FAM107B: variants seen among roughly 807,000 people sequenced by gnomAD.
FAM107B encodes the protein family with sequence similarity 107 member B, also known as protein FAM107B.
A neutral mutation model predicts 31.5 loss-of-function variants in FAM107B; 21 were observed. The observed-to-expected ratio is 0.67, with a 90% CI of 0.47 to 0.96. The LOEUF is 0.96. Ranked by LOEUF, FAM107B falls within the 40% of genes least tolerant of loss-of-function variation. The probability of loss-of-function intolerance (pLI) is 0.00; values close to 1 mark genes in which losing one functional copy is unlikely to be tolerated. For synonymous variants in FAM107B, 157 were observed against 141.5 expected (o/e 1.11, Z -0.78); for missense variants, 452 against 377.1 (o/e 1.20, Z -1.64).
chr10:14,672,973 A>T (rs1197822775), intron 1 of FAM107B, among the ~76,000 whole-genome samples: 1 of 152,226 alleles, frequency 6.6e-6, no homozygotes, highest in African/African-American at 2.4e-5. Flanking sequence ...ATTCCTGACC[A>T]ATAATTAAAG....
intron 2 of FAM107B, among the ~76,000 whole-genome samples, chr10:14,621,291 T>C (rs960542299): frequency 6.6e-6 from 1 of 152,232 alleles, no homozygotes; most frequent in Non-Finnish European, 1.5e-5. Flanking sequence ...CTGTTTATAT[T>C]ATGTAGACTC....
intron 3 of FAM107B, among the ~76,000 whole-genome samples, chr10:14,529,007 A>T (rs1209126997): frequency 6.6e-6 from 1 of 152,206 alleles, no homozygotes; most frequent in East Asian, 1.9e-4. Flanking sequence ...TTTATAGATA[A>T]GGGAACTGAG....
At chr10:14,635,135 AAGGGAGGG>A (rs369224420) in intron 2 of FAM107B, among the ~76,000 whole-genome samples, 1 of 137,442 alleles carries the variant, frequency 7.3e-6, no homozygotes, top group African/African-American at 2.7e-5. Context: ...GAAAGGAAGG[AAGGGAGGG>A]AGGGAGGGAG....
intron 2 of FAM107B, among the ~76,000 whole-genome samples, chr10:14,652,548 G>C (rs1853928430): frequency 6.6e-6 from 1 of 152,304 alleles, no homozygotes; most frequent in South Asian, 2.1e-4. Flanking sequence ...CTGCAAAGGG[G>C]AGAAAATATA....
At chr10:14,658,135 T>C (rs910465374) in intron 2 of FAM107B, among the ~76,000 whole-genome samples, 3 of 152,222 alleles carry the variant, frequency 2.0e-5, no homozygotes, top group Admixed American at 6.5e-5. Flanking sequence ...GAAGAATTTA[T>C]ACGACAGTGA....
intron 2 of FAM107B, among the ~76,000 whole-genome samples, chr10:14,537,609 G>A (rs1488255528): frequency 6.6e-6 from 1 of 152,140 alleles, no homozygotes; most frequent in Non-Finnish European, 1.5e-5. Context: ...GGAGGCCGAG[G>A]CGGGCGGATC....
intron 3 of FAM107B, among the ~76,000 whole-genome samples, chr10:14,523,283 T>C (rs1353014222): frequency 6.6e-6 from 1 of 152,176 alleles, no homozygotes; most frequent in Non-Finnish European, 1.5e-5. Flanking sequence ...TCATAAGTAA[T>C]CTCAACTTGA....
intron 2 of FAM107B, among the ~76,000 whole-genome samples, chr10:14,619,249 G>C (rs1374234180): frequency 6.6e-6 from 1 of 152,188 alleles, no homozygotes; most frequent in African/African-American, 2.4e-5. Flanking sequence ...AGTACGGTCA[G>C]TCGGTGTACA....
At chr10:14,649,524 TA>T (rs951075375) in intron 2 of FAM107B, among the ~76,000 whole-genome samples, 8 of 152,318 alleles carry the variant, frequency 5.3e-5, no homozygotes, top group African/African-American at 1.9e-4. Flanking sequence ...CACAACTTCT[TA>T]TCTTAACCCA....
intron 2 of FAM107B, among the ~76,000 whole-genome samples, chr10:14,635,038 G>A (rs1360718334): frequency 6.7e-6 from 1 of 150,102 alleles, no homozygotes; most frequent in East Asian, 2.0e-4. Context: ...GCAGTGAGCT[G>A]AGATTGCACC....
intron 2 of FAM107B, among the ~76,000 whole-genome samples, chr10:14,536,396 C>CT (rs747579483): frequency 1.3e-5 from 2 of 152,196 alleles, no homozygotes; most frequent in African/African-American, 2.4e-5. Context: ...TAAGCTGTCT[C>CT]TAAGATTCTG....
Position 14,774,439 on chromosome 10 carries a change from T to G in FAM107B, c.225A>C (p.Lys75Asn). 1 of 1,614,196 alleles carries G rather than the reference T, an allele frequency of 6.2e-7. No homozygotes were observed. Among genetic ancestry groups the G allele is most frequent in the Non-Finnish European group, 8.5e-7 (1 of 1,180,020 alleles). Residue 75 changes from lysine (K) to asparagine (N), a missense_variant, in exon 1 of 5, where the codon AAA becomes AAC. Transcript: ENST00000181796. ...RHPSAEGAPEKRQDSSTHAER... is the reference protein window; with the variant it reads ...RHPSAEGAPENRQDSSTHAER... ...CTGCATGGGTGCTCGAATCTTGCCT[T>G]TTCTCTGGAGCTCCTTCTGCGCTTG...
At chr10:14,660,837 G>A (rs1012627528) in intron 2 of FAM107B, among the ~76,000 whole-genome samples, 4 of 152,090 alleles carry the variant, frequency 2.6e-5, no homozygotes, top group African/African-American at 7.2e-5. Context: ...ACATACCATG[G>A]AAAGGAAAAA....
At chr10:14,767,707 T>A (rs1833212986) in intron 1 of FAM107B, among the ~76,000 whole-genome samples, 1 of 152,154 alleles carries the variant, frequency 6.6e-6, no homozygotes, top group Non-Finnish European at 1.5e-5. Flanking sequence ...AACCCACCAC[T>A]AGCCTCACAT....
intron 1 of FAM107B, among the ~76,000 whole-genome samples, chr10:14,747,375 C>A (rs754780827): frequency 1.2e-4 from 19 of 152,168 alleles, no homozygotes; most frequent in Non-Finnish European, 2.8e-4. Context: ...GAGGCACTCT[C>A]ATTTTTGAGT....
intron 1 of FAM107B, among the ~76,000 whole-genome samples, chr10:14,710,694 A>G (rs1197038522): frequency 1.3e-5 from 2 of 151,984 alleles, no homozygotes; most frequent in African/African-American, 2.4e-5. Flanking sequence ...TTGTTTCTTC[A>G]CTCTTAACAA....
chr10:14,543,096 G>C (rs1183923030), intron 2 of FAM107B, among the ~76,000 whole-genome samples: 2 of 152,078 alleles, frequency 1.3e-5, no homozygotes, highest in Admixed American at 1.3e-4. Flanking sequence ...AAGTGATTTG[G>C]AGTTTCTCTC....
chr10:14,733,016 A>C (rs1006076074), intron 1 of FAM107B, among the ~76,000 whole-genome samples: 1 of 146,996 alleles, frequency 6.8e-6, no homozygotes, highest in Non-Finnish European at 1.5e-5. Context: ...AATACACTAT[A>C]TCTAATAATT....
chr10:14,678,577 G>A (rs1021714816), intron 1 of FAM107B, among the ~76,000 whole-genome samples: 1 of 152,044 alleles, frequency 6.6e-6, no homozygotes, highest in African/African-American at 2.4e-5. Context: ...GTCTTCCTGG[G>A]AAAAGAAAAA....
Sources: allele counts gnomAD v4.1 joint callset (sites outside exome capture counted in the v4.1 genomes callset), GRCh38; gene constraint gnomAD v4.1.1; transcripts MANE v1.5; gene names NCBI Gene and HGNC (gene_info 2026-07-23, HGNC 2026-07-21).